The following PTPRD variants were observed in gnomAD, a reference collection of about 807,000 sequenced individuals.
The protein encoded by PTPRD is receptor-type tyrosine-protein phosphatase delta.
A neutral mutation model predicts 214.5 loss-of-function variants in PTPRD; 34 were observed. The ratio of observed to expected loss-of-function variants is 0.16; its 90% confidence interval spans 0.12 to 0.21. The LOEUF (loss-of-function observed/expected upper bound fraction) is 0.21. PTPRD is among the 10% of genes least tolerant of loss of function. PTPRD has a pLI of 1.00. For synonymous variants in PTPRD, 1,128 were observed against 845.7 expected, an observed-to-expected ratio of 1.33 and a Z score of -5.79; for missense variants, 2,545 against 2,398.7, an observed-to-expected ratio of 1.06 and a Z score of -1.27.
At chr9:10,288,328 T>C (rs2095426663) in intron 3 of PTPRD, among the ~76,000 whole-genome samples, 1 of 152,046 alleles carries the variant, frequency 6.6e-6, no homozygotes, top group Admixed American at 6.6e-5. Context: ...ATTCCATTTG[T>C]TGTACCTAAT....
At chr9:10,407,861 A>T (rs1399621307) in intron 2 of PTPRD, among the ~76,000 whole-genome samples, 15 of 151,508 alleles carry the variant, frequency 9.9e-5, no homozygotes, top group Admixed American at 5.9e-4. Context: ...ATTTTTTTTT[A>T]AATTTTAACA....
intron 8 of PTPRD, among the ~76,000 whole-genome samples, chr9:9,403,508 C>G (rs1027260763): frequency 6.6e-6 from 1 of 151,648 alleles, no homozygotes; most frequent in Non-Finnish European, 1.5e-5. Context: ...ACTCTCCACA[C>G]CTCCATGCAC....
Position 8,928,269 on chromosome 9 carries a change from T to C in PTPRD, c.-104+90428A>G, listed in dbSNP as rs187344089. Reference sequence around the variant, plus strand: ...TGCTTTTGATATTTTAGTCATGAAGTCTTTGCCCATGCCTATGTCCTGAAA... The same window carrying C: ...TGCTTTTGATATTTTAGTCATGAAGCCTTTGCCCATGCCTATGTCCTGAAA... On this transcript the variant is annotated intron_variant, in intron 11 of 45. Coordinates refer to ENST00000381196, the MANE Select transcript of PTPRD (RefSeq NM_002839.4). 1.8e-3 allele frequency among the ~76,000 whole-genome samples: 279 copies of C among 152,318 alleles called. 1 individual carries two copies. Among genetic ancestry groups the C allele is most frequent in the African/African-American group, 6.0e-3 (250 of 41,586 alleles).
At chr9:8,666,042 T>C (rs1217749842) in intron 12 of PTPRD, among the ~76,000 whole-genome samples, 4 of 147,576 alleles carry the variant, frequency 2.7e-5, no homozygotes, top group East Asian at 2.3e-4. Flanking sequence ...CATAACTGTT[T>C]TTTTTTTTTC....
intron 3 of PTPRD, among the ~76,000 whole-genome samples, chr9:10,180,604 C>CAAAAAAAAAAAAAAAAAA (rs1288616582): frequency 1.3e-5 from 1 of 76,178 alleles, no homozygotes. Flanking sequence ...AGATAAAGTA[C>CAAAAAAAAAAAAAAAAAA]AAAAAAAAAA....
intron 35 of PTPRD, among the ~76,000 whole-genome samples, chr9:8,406,194 C>T (rs756865124): frequency 6.6e-6 from 1 of 152,078 alleles, no homozygotes; most frequent in Non-Finnish European, 1.5e-5. Context: ...AATTTTTCAT[C>T]TCCCTTGCAG....
chr9:10,388,425 C>T (rs1586920193), intron 2 of PTPRD, among the ~76,000 whole-genome samples: 2 of 147,770 alleles, frequency 1.4e-5, no homozygotes, highest in Admixed American at 6.8e-5. Flanking sequence ...AGAGGCTTGA[C>T]TATAGTAGAT....
intron 11 of PTPRD, among the ~76,000 whole-genome samples, chr9:8,947,096 G>A (rs2099070307): frequency 7.6e-6 from 1 of 130,934 alleles, no homozygotes. Context: ...TCCTTTAAAT[G>A]TTCTTTATTA....
intron 14 of PTPRD, among the ~76,000 whole-genome samples, chr9:8,544,372 G>A (rs1158115488): frequency 1.4e-5 from 2 of 145,024 alleles, no homozygotes; most frequent in African/African-American, 2.6e-5. Flanking sequence ...ATGAGCCAAC[G>A]CACCCGGTCG....
At chr9:10,432,353 G>A (rs984125498) in intron 2 of PTPRD, among the ~76,000 whole-genome samples, 3 of 151,306 alleles carry the variant, frequency 2.0e-5, no homozygotes, top group East Asian at 2.0e-4. Flanking sequence ...GATTTAGTGG[G>A]TGCAGCGCAC....
Position 8,795,154 on chromosome 9 carries a change from T to C in PTPRD, c.-103-61208A>G, listed in dbSNP as rs190572760. ...TTAGTATCATCCACCCCTATGTTTA[T>C]TTTATATGAAGAAAAAAAAAATTTT... On this transcript the variant is annotated intron_variant, in intron 11 of 45. Coordinates refer to ENST00000381196, the MANE Select transcript of PTPRD (RefSeq NM_002839.4). Among the ~76,000 whole-genome samples, 4 of 152,150 alleles carry C rather than the reference T, an allele frequency of 2.6e-5. No homozygotes were observed. The East Asian group carries it at 7.7e-4, about 29-fold the overall frequency.
intron 26 of PTPRD, among the ~76,000 whole-genome samples, chr9:8,493,454 C>T (rs1045723223): frequency 1.3e-4 from 20 of 152,024 alleles, no homozygotes; most frequent in Middle Eastern, 3.4e-3. Context: ...CACACATATC[C>T]ACTGTAACCC....
At chr9:9,658,578 G>A (rs993075688) in intron 7 of PTPRD, among the ~76,000 whole-genome samples, 1 of 152,114 alleles carries the variant, frequency 6.6e-6, no homozygotes, top group Non-Finnish European at 1.5e-5. Flanking sequence ...GATCACTTGT[G>A]AGATCCCTTC....
At chr9:9,056,756 C>T (rs2099696984) in intron 10 of PTPRD, among the ~76,000 whole-genome samples, 2 of 152,216 alleles carry the variant, frequency 1.3e-5, no homozygotes, top group African/African-American at 4.8e-5. Flanking sequence ...GGCCTGTACA[C>T]TTTGCTGCAT....
rs538632719 is a variant in PTPRD, at chr9:9,167,413, TA to T, written c.-143+15890del. On this transcript the variant is annotated intron_variant, in intron 10 of 45. Transcript: ENST00000381196. ...ATAAGCAGCACAGCCAACTTTGGAATAAAAATGATTCCAAAACATAAATATT... is the reference window on the plus strand; with the variant it reads ...ATAAGCAGCACAGCCAACTTTGGAATAAAATGATTCCAAAACATAAATATT... Among the ~76,000 whole-genome samples the T allele has an allele frequency of 9.9e-4, 150 of 151,632 alleles. 1 individual carries two copies. Among genetic ancestry groups the T allele is most frequent in the African/African-American group, 3.5e-3 (144 of 41,298 alleles).
intron 11 of PTPRD, among the ~76,000 whole-genome samples, chr9:8,796,192 T>G (rs2096415720): frequency 6.6e-6 from 1 of 152,188 alleles, no homozygotes; most frequent in South Asian, 2.1e-4. Flanking sequence ...AACATATAGA[T>G]GAAGGGATAA....
chr9:8,687,729 G>T (rs1179239936), intron 12 of PTPRD, among the ~76,000 whole-genome samples: 3 of 151,562 alleles, frequency 2.0e-5, no homozygotes, highest in African/African-American at 7.3e-5. Context: ...GAGGTCCTTA[G>T]GTAAAATAAG....
At chr9:10,177,429 G>A (rs1416760575) in intron 3 of PTPRD, among the ~76,000 whole-genome samples, 2 of 144,642 alleles carry the variant, frequency 1.4e-5, no homozygotes, top group Admixed American at 7.0e-5. Context: ...TCAGAACAAA[G>A]GAAAGTTGTT....
At chr9:10,594,667 C>A (rs751134623) in intron 2 of PTPRD, among the ~76,000 whole-genome samples, 3 of 151,938 alleles carry the variant, frequency 2.0e-5, no homozygotes, top group Non-Finnish European at 4.4e-5. Flanking sequence ...GTCATTCACA[C>A]CATCCATCGA....
Sources: gnomAD v4.1 joint callset for allele counts (sites outside exome capture counted in the v4.1 genomes callset) on GRCh38, gnomAD v4.1.1 for gene constraint, MANE v1.5 for transcripts, NCBI Gene and HGNC (gene_info 2026-07-23, HGNC 2026-07-21) for gene names.